STXBP4: variants seen among roughly 807,000 people sequenced by gnomAD.
STXBP4 encodes the protein syntaxin binding protein 4.
Under a neutral mutation model 76.1 loss-of-function variants are expected in STXBP4, and 55 were observed. The ratio of observed to expected loss-of-function variants is 0.72; its 90% CI spans 0.58 to 0.91. The LOEUF (loss-of-function observed/expected upper bound fraction) is 0.91. Ranked by LOEUF, STXBP4 falls within the 40% of genes least tolerant of loss-of-function variation. The pLI is 0.00. For synonymous variants in STXBP4, 201 were observed against 220.2 expected, an observed-to-expected ratio of 0.91 and a Z score of 0.77; for missense variants, 618 against 636.9, an observed-to-expected ratio of 0.97 and a Z score of 0.32.
At chr17:54,975,298 T>A (rs192458261) in intron 1 of STXBP4, among the ~76,000 whole-genome samples, 16 of 152,294 alleles carry the variant, frequency 1.1e-4, no homozygotes, top group African/African-American at 3.1e-4. Flanking sequence ...CATACCACCA[T>A]GCCCTGCTAA....
chr17:55,050,616 A>G (rs2078847302), intron 12 of STXBP4, among the ~76,000 whole-genome samples: 1 of 152,186 alleles, frequency 6.6e-6, no homozygotes, highest in Non-Finnish European at 1.5e-5. Context: ...GAAGCAGAAT[A>G]TTAACATGTA....
At chr17:55,202,956 T>C in the STXBP4 span, among the ~76,000 whole-genome samples, 7 of 152,122 alleles carry the variant, frequency 4.6e-5, no homozygotes, top group African/African-American at 2.4e-5. Flanking sequence ...CATTGGACTA[T>C]AGGAAAAAGC....
chr17:55,177,186 C>G (rs748958190), downstream of STXBP4, among the ~76,000 whole-genome samples: 1 of 152,028 alleles, frequency 6.6e-6, no homozygotes, highest in African/African-American at 2.4e-5. Flanking sequence ...TCTGGAGAAC[C>G]CTGACTGAAA....
At chr17:55,033,839 G>T (rs2078552991) in intron 9 of STXBP4, among the ~76,000 whole-genome samples, 1 of 152,128 alleles carries the variant, frequency 6.6e-6, no homozygotes, top group African/African-American at 2.4e-5. Context: ...GGTTCTTCCA[G>T]CTAGAAAAGC....
intron 16 of STXBP4, among the ~76,000 whole-genome samples, chr17:55,087,722 AG>A (rs1200385836): frequency 6.6e-6 from 1 of 152,036 alleles, no homozygotes; most frequent in East Asian, 1.9e-4. Context: ...TTGGCTCTTC[AG>A]GGTCTCTTGT....
chr17:55,011,508 C>CTTTTTTT (rs3080154), intron 8 of STXBP4, among the ~76,000 whole-genome samples: 3,360 of 85,666 alleles, frequency 0.039, 407 homozygotes, highest in East Asian at 0.16. Flanking sequence ...TTTTCTTTTT[C>CTTTTTTT]TTTTTTTTTT....
chr17:55,213,139 GC>G, the STXBP4 span, among the ~76,000 whole-genome samples: 1 of 151,950 alleles, frequency 6.6e-6, no homozygotes, highest in Non-Finnish European at 1.5e-5. Context: ...GGAAGAAACT[GC>G]CCCCCATCGA....
At chr17:55,043,687 A>G in intron 11 of STXBP4, 1 of 1,543,716 alleles carries the variant, frequency 6.5e-7, no homozygotes, top group Non-Finnish European at 8.8e-7. Context: ...TCTTTGGGAA[A>G]TACATTTTTT....
At chr17:55,199,419 C>T in the STXBP4 span, among the ~76,000 whole-genome samples, 4 of 152,154 alleles carry the variant, frequency 2.6e-5, no homozygotes, top group Admixed American at 2.0e-4. Context: ...AATTTTGGTT[C>T]ATTATATGCA....
chr17:55,105,739 A>T (rs1475440289), intron 16 of STXBP4, among the ~76,000 whole-genome samples: 1 of 151,730 alleles, frequency 6.6e-6, no homozygotes, highest in Admixed American at 6.6e-5. Flanking sequence ...TGGCCTCCCA[A>T]AGTGCTGGGA....
intron 16 of STXBP4, among the ~76,000 whole-genome samples, chr17:55,131,148 A>G (rs2079969841): frequency 6.6e-6 from 1 of 152,192 alleles, no homozygotes; most frequent in Admixed American, 6.5e-5. Flanking sequence ...GTGTACAAGG[A>G]TTCTTTTTTC....
the STXBP4 span, among the ~76,000 whole-genome samples, chr17:55,202,954 T>A: frequency 6.6e-6 from 1 of 152,176 alleles, no homozygotes. Context: ...ATCATTGGAC[T>A]ATAGGAAAAA....
intron 12 of STXBP4, 30 bp downstream of exon 12, chr17:55,047,184 TCG>T: frequency 2.6e-6 from 3 of 1,144,502 alleles, no homozygotes; most frequent in Non-Finnish European, 2.5e-6. Flanking sequence ...ATATATGTGC[TCG>T]TGTGTGTGTG....
At chr17:55,185,583 G>A in the STXBP4 span, among the ~76,000 whole-genome samples, 16 of 152,240 alleles carry the variant, frequency 1.1e-4, no homozygotes, top group Non-Finnish European at 1.9e-4. Context: ...TGAAAATAAA[G>A]CATTATAACA....
intron 14 of STXBP4, 23 bp from the exon 15 acceptor site, chr17:55,078,662 CT>C: frequency 6.9e-7 from 1 of 1,459,372 alleles, no homozygotes; most frequent in Non-Finnish European, 9.6e-7. Context: ...GATATATCTC[CT>C]TCACCATCTT....
Position 55,167,856 on chromosome 17 carries a change from A to T in STXBP4, c.*7945A>T, listed in dbSNP as rs907248602. Reference sequence around the variant, plus strand: ...AGAAATTCATCTTTCATCAGCACACACGAGAAGAGACAACAGGAAGACAAA... The same window carrying T: ...AGAAATTCATCTTTCATCAGCACACTCGAGAAGAGACAACAGGAAGACAAA... On this transcript the variant is annotated 3_prime_UTR_variant, in exon 18 of 18. Coordinates refer to ENST00000376352, the MANE Select transcript of STXBP4 (RefSeq NM_178509.6). 6.6e-6 allele frequency: 1 copy of T among 152,198 alleles called. No individual in the cohort carries two copies. Among genetic ancestry groups the T allele is most frequent in the African/African-American group, 2.4e-5 (1 of 41,460 alleles). 9.4% of individuals were successfully genotyped at this position (152,198 alleles called of 1,614,324 possible).
the STXBP4 span, among the ~76,000 whole-genome samples, chr17:55,193,255 G>A: frequency 2.0e-5 from 3 of 152,142 alleles, no homozygotes; most frequent in Admixed American, 6.5e-5. Flanking sequence ...GACCTGAGAG[G>A]TAGAGCGAGT....
At chr17:55,086,468 A>G (rs1399109380) in intron 16 of STXBP4, among the ~76,000 whole-genome samples, 1 of 152,146 alleles carries the variant, frequency 6.6e-6, no homozygotes, top group Non-Finnish European at 1.5e-5. Flanking sequence ...CTCATCCTGC[A>G]CTAGTATAGA....
intron 3 of STXBP4, 54 bp downstream of exon 3, chr17:54,986,320 TAATG>T (rs2077626125): frequency 7.3e-7 from 1 of 1,364,734 alleles, no homozygotes; most frequent in African/African-American, 1.5e-5. Flanking sequence ...TGTAAACTAT[TAATG>T]AACATTTGAT....
Sources: allele counts gnomAD v4.1 joint callset (sites outside exome capture counted in the v4.1 genomes callset), GRCh38; gene constraint gnomAD v4.1.1; transcripts MANE v1.5; gene names NCBI Gene and HGNC (gene_info 2026-07-23, HGNC 2026-07-21).